Variants in QTMAN observed in about 807,000 individuals in gnomAD.
The protein encoded by QTMAN is queuosine-tRNA mannosyltransferase, also known as tRNA-queuosine alpha-mannosyltransferase.
chr2:144,128,247 G>C, the QTMAN span: 1 of 150,594 alleles, frequency 6.6e-6, no homozygotes, highest in Non-Finnish European at 1.5e-5. Flanking sequence ...ATAACTTACA[G>C]GTTCTGAGTT....
chr2:143,970,645 A>T, the QTMAN span: 1 of 1,428,124 alleles, frequency 7.0e-7, no homozygotes, highest in Non-Finnish European at 9.9e-7. Context: ...AAAATTCAAC[A>T]GAGGTACCTG....
At chr2:143,952,040 G>A in the QTMAN span, 1 of 1,605,698 alleles carries the variant, frequency 6.2e-7, no homozygotes, top group Non-Finnish European at 8.5e-7. Context: ...GAGCCTTTTT[G>A]AAAGCTGTTC....
At chr2:144,007,578 A>G in the QTMAN span, 4 of 1,350,086 alleles carry the variant, frequency 3.0e-6, no homozygotes, top group Non-Finnish European at 4.0e-6. Context: ...GTGGAAAAAA[A>G]TATGTAAAAT....
the QTMAN span, among the ~76,000 whole-genome samples, chr2:144,167,732 T>C: frequency 6.6e-6 from 1 of 152,084 alleles, no homozygotes; most frequent in Non-Finnish European, 1.5e-5. Flanking sequence ...GTGAGTCAAT[T>C]ATACTGCTTT....
chr2:144,112,073 T>C, the QTMAN span, among the ~76,000 whole-genome samples: 1 of 152,212 alleles, frequency 6.6e-6, no homozygotes, highest in Admixed American at 6.5e-5. Context: ...CTAGAAAGTA[T>C]TACATTGGTA....
chr2:143,998,054 C>A, the QTMAN span, among the ~76,000 whole-genome samples: 2 of 152,018 alleles, frequency 1.3e-5, no homozygotes, highest in Non-Finnish European at 2.9e-5. Context: ...TCAGCTATAT[C>A]AGTATTCTTC....
chr2:144,318,998 T>G, the QTMAN span, among the ~76,000 whole-genome samples: 1 of 152,200 alleles, frequency 6.6e-6, no homozygotes, highest in Admixed American at 6.6e-5. Flanking sequence ...AGAGAATACT[T>G]TGATGTTCCA....
At chr2:144,196,761 T>G in the QTMAN span, among the ~76,000 whole-genome samples, 2 of 152,204 alleles carry the variant, frequency 1.3e-5, no homozygotes, top group African/African-American at 4.8e-5. Flanking sequence ...GGAAACTGGC[T>G]TTTCTGAACT....
the QTMAN span, among the ~76,000 whole-genome samples, chr2:144,277,925 A>C: frequency 2.0e-5 from 3 of 152,150 alleles, no homozygotes; most frequent in Non-Finnish European, 4.4e-5. Flanking sequence ...ACCTCCTTGC[A>C]ATTAGGATCT....
chr2:144,161,772 A>G, the QTMAN span, among the ~76,000 whole-genome samples: 1 of 152,234 alleles, frequency 6.6e-6, no homozygotes, highest in Admixed American at 6.5e-5. Flanking sequence ...ATATGAAGAA[A>G]TATGTAAAGA....
the QTMAN span, among the ~76,000 whole-genome samples, chr2:144,105,089 CA>C: frequency 6.6e-6 from 1 of 152,208 alleles, no homozygotes; most frequent in South Asian, 2.1e-4. Flanking sequence ...AGGACATCCA[CA>C]GCAAAACACC....
chr2:144,027,926 T>G, the QTMAN span, among the ~76,000 whole-genome samples: 2 of 152,206 alleles, frequency 1.3e-5, no homozygotes, highest in Non-Finnish European at 2.9e-5. Flanking sequence ...AATGTTAAGA[T>G]GCACTTTGGA....
At chr2:144,186,103 T>G in the QTMAN span, among the ~76,000 whole-genome samples, 2 of 152,178 alleles carry the variant, frequency 1.3e-5, no homozygotes, top group Non-Finnish European at 2.9e-5. Flanking sequence ...GCCAGGACAA[T>G]GCCCAGAAGA....
the QTMAN span, among the ~76,000 whole-genome samples, chr2:144,008,987 T>C: frequency 1.8e-4 from 28 of 151,950 alleles, no homozygotes; most frequent in Non-Finnish European, 1.2e-4. Flanking sequence ...AAGGCAAGGT[T>C]GGACTTTTAA....
the QTMAN span, among the ~76,000 whole-genome samples, chr2:144,271,790 T>C: frequency 2.0e-5 from 3 of 152,288 alleles, no homozygotes; most frequent in South Asian, 2.1e-4. Flanking sequence ...TCAGGTAATA[T>C]CTATAGGGAA....
the QTMAN span, among the ~76,000 whole-genome samples, chr2:143,963,645 G>C: frequency 2.6e-5 from 4 of 151,966 alleles, no homozygotes; most frequent in Admixed American, 1.3e-4. Context: ...CACTTTGTGA[G>C]GATATGTAAA....
the QTMAN span, among the ~76,000 whole-genome samples, chr2:143,968,015 T>A: frequency 1.3e-5 from 2 of 152,106 alleles, no homozygotes; most frequent in African/African-American, 2.4e-5. Context: ...ATGGCTGAAG[T>A]GATACAGAAT....
chr2:144,184,709 TA>T, the QTMAN span, among the ~76,000 whole-genome samples: 12 of 152,310 alleles, frequency 7.9e-5, no homozygotes, highest in East Asian at 2.3e-3. Context: ...CCTTAGCACT[TA>T]AAATTATTTT....
At chr2:144,187,127 G>A in the QTMAN span, among the ~76,000 whole-genome samples, 1 of 152,200 alleles carries the variant, frequency 6.6e-6, no homozygotes, top group African/African-American at 2.4e-5. Flanking sequence ...TTATTGTCAA[G>A]TCACTGATAC....
Sources: allele counts gnomAD v4.1 joint callset (sites outside exome capture counted in the v4.1 genomes callset), GRCh38; gene constraint gnomAD v4.1.1; transcripts MANE v1.5; gene names NCBI Gene and HGNC (gene_info 2026-07-23, HGNC 2026-07-21).